The following MDN1 variants were observed in gnomAD, a reference collection of about 807,000 sequenced individuals.
MDN1 encodes midasin.
In MDN1, 266 loss-of-function variants were observed where a neutral mutation model predicts 669.2. The observed-to-expected ratio is 0.40, with a 90% CI of 0.36 to 0.44. The LOEUF is 0.44. Ranked by LOEUF, MDN1 falls within the 20% of genes least tolerant of loss-of-function variation. The pLI, the probability that MDN1 is intolerant of heterozygous loss-of-function variation, is 1.00. For missense variants in MDN1, 5,940 were observed against 6,754.0 expected (o/e 0.88, Z 4.22); for synonymous variants, 2,385 against 2,457.1 (o/e 0.97, Z 0.87).
At chr6:89,674,648 C>T (rs1811061704) in intron 78 of MDN1, 59 bp from the exon 79 acceptor site, 2 of 1,489,070 alleles carry the variant, frequency 1.3e-6, no homozygotes, top group Non-Finnish European at 8.9e-7. Context: ...CACTTTACCA[C>T]ATTGTTTTAA....
chr6:89,692,014 G>A (rs1056474495), intron 63 of MDN1, among the ~76,000 whole-genome samples: 8 of 152,160 alleles, frequency 5.3e-5, no homozygotes, highest in Non-Finnish European at 1.0e-4. Context: ...CCTGGAATGG[G>A]ATACCTGGTA....
intron 78 of MDN1, among the ~76,000 whole-genome samples, chr6:89,674,835 T>C (rs1418660750): frequency 3.3e-5 from 5 of 152,154 alleles, no homozygotes; most frequent in Non-Finnish European, 5.9e-5. Context: ...CAACTAGCAT[T>C]ATCTAGTAAA....
rs1245755149 is a variant in MDN1 at position 89,698,303 on chromosome 6, G to C, written c.9168+562C>G. On this transcript the variant is annotated intron_variant, in intron 59 of 101. Coordinates refer to ENST00000369393, the MANE Select transcript of MDN1 (RefSeq NM_014611.3). Reference sequence around the variant, plus strand: ...AATGCTCCAACAAGTGGACAAAGATGTATACTAGGATAGTCAATGTGGCAT... The same window carrying C: ...AATGCTCCAACAAGTGGACAAAGATCTATACTAGGATAGTCAATGTGGCAT... Among the ~76,000 whole-genome samples the C allele has an allele frequency of 2.6e-5, 4 of 152,210 alleles. No individual in the cohort carries two copies. In the South Asian group the frequency reaches 8.3e-4, roughly 32 times the overall value.
At chr6:89,700,583 A>T (rs1584222952) in intron 56 of MDN1, 63 bp downstream of exon 56, 2 of 1,524,330 alleles carry the variant, frequency 1.3e-6, no homozygotes, top group East Asian at 4.5e-5. Flanking sequence ...AAAACTTATT[A>T]ACTACCAGCA....
chr6:89,786,860 G>A (rs778375877), intron 8 of MDN1, among the ~76,000 whole-genome samples: 1 of 150,450 alleles, frequency 6.6e-6, no homozygotes, highest in Non-Finnish European at 1.5e-5. Context: ...AGGAGGTGGA[G>A]GTTGCAGTGA....
rs375419888 is a variant in MDN1, at chr6:89,646,556, C to A, written c.16443G>T (p.Ser5481=). The A allele has an allele frequency of 4.3e-6, 7 of 1,614,006 alleles. No individual in the cohort carries two copies. The highest frequency in any genetic ancestry group is 5.1e-6 in the Non-Finnish European group (6 of 1,179,918). The change falls in exon 100 of 102, where the codon TCG becomes TCT. Residue 5481 remains serine (S), a synonymous_variant. Coordinates refer to ENST00000369393, the MANE Select transcript of MDN1 (RefSeq NM_014611.3). ...ANMFAAAQQL[S]QNISSETAQL... ...GCAGCTCACCTGAACTGATGTTCTGCGAGAGCTGCTGAGCAGCTGCAAACA... is the reference window on the plus strand; with the variant it reads ...GCAGCTCACCTGAACTGATGTTCTGAGAGAGCTGCTGAGCAGCTGCAAACA...
intron 38 of MDN1, 26 bp downstream of exon 38, chr6:89,725,173 G>A (rs1241155496): frequency 4.4e-6 from 7 of 1,608,216 alleles, no homozygotes; most frequent in African/African-American, 1.3e-5. Flanking sequence ...TCTATCTTTG[G>A]TCTCTATGGC....
At chr6:89,744,131 A>AC (rs1816458894) in intron 29 of MDN1, among the ~76,000 whole-genome samples, 2 of 150,808 alleles carry the variant, frequency 1.3e-5, no homozygotes, top group Non-Finnish European at 1.5e-5. Flanking sequence ...AAAAAAAAAA[A>AC]CCACCACCAA....
intron 40 of MDN1, 138 bp from the exon 41 acceptor site, chr6:89,719,363 T>C (rs1170646574): frequency 1.5e-6 from 1 of 685,078 alleles, no homozygotes; most frequent in African/African-American, 1.8e-5. Context: ...TTTTGAATTT[T>C]CTCTTATAAA....
At chr6:89,778,843 G>A (rs1584357399) in intron 11 of MDN1, among the ~76,000 whole-genome samples, 2 of 150,892 alleles carry the variant, frequency 1.3e-5, no homozygotes, top group African/African-American at 2.4e-5. Flanking sequence ...CCGAGATCAC[G>A]CCACTGCACT....
In MDN1 at chr6:89,662,207, G is replaced by T. The variant is rs955398088; in HGVS notation, c.14445C>A (p.Asn4815Lys). 2 of 1,612,686 alleles carry T rather than the reference G, an allele frequency of 1.2e-6. No homozygotes were observed. Among genetic ancestry groups the T allele is most frequent in the Admixed American group, 1.7e-5 (1 of 59,672 alleles). The change falls in exon 87 of 102, where the codon AAC becomes AAA. Residue 4815 changes from asparagine to lysine, a missense_variant. Asn to Lys is a moderately conservative substitution (Grantham distance 94, BLOSUM62 0). Transcript: ENST00000369393. ...CTTTGTTTGAATTGCCACTATCCAA[G>T]TTGTCATCTTTAGCAACAAGTTCAG... Reference protein sequence around the residue: ...EDSELVAKDDNLDSGNSNKDK... With the variant: ...EDSELVAKDDKLDSGNSNKDK...
chr6:89,736,057 A>G (rs139543548), intron 33 of MDN1, among the ~76,000 whole-genome samples: 121 of 152,296 alleles, frequency 7.9e-4, no homozygotes, highest in African/African-American at 2.7e-3. Flanking sequence ...AAAAACAAAA[A>G]GCTTTGTCTA....
intron 33 of MDN1, among the ~76,000 whole-genome samples, chr6:89,737,110 G>C (rs1357523802): frequency 6.6e-6 from 1 of 152,134 alleles, no homozygotes; most frequent in Admixed American, 6.5e-5. Context: ...AGAGACTGTA[G>C]AGAAAAAAGG....
chr6:89,684,861 A>G lies in MDN1; in HGVS notation c.11829+15T>C. ...TTGTCCTCCCAAGAGTGATCATGAC[A>G]GCTGTTCATCTTACTTTAAGTTCTT... On this transcript the variant is annotated intron_variant, in intron 71 of 101. Coordinates refer to ENST00000369393, the MANE Select transcript of MDN1 (RefSeq NM_014611.3). The G allele has an allele frequency of 1.3e-6, 2 of 1,503,532 alleles. No individual in the cohort carries two copies. Among genetic ancestry groups the G allele is most frequent in the Non-Finnish European group, 1.9e-6 (2 of 1,080,558 alleles). 93.1% of individuals were successfully genotyped at this position (1,503,532 alleles called of 1,614,324 possible).
At position 89,740,372 on chromosome 6, in the gene MDN1, A is replaced by G; in HGVS notation, c.4455T>C (p.Leu1485=). 1 of 1,575,984 alleles carries G rather than the reference A, an allele frequency of 6.3e-7. No individual in the cohort carries two copies. The highest frequency in any genetic ancestry group is 8.6e-7 in the Non-Finnish European group (1 of 1,169,362). ...CTAATACCAGAGACTTTTCTACTTC[A>G]AGGACACTAAAAGAAAAATTGAAGA... ...DSVLERLNSV[L]EVEKSLVLAE... Residue 1485 remains leucine (L), a synonymous_variant, in exon 32 of 102, where the codon CTT becomes CTC. Transcript: ENST00000369393.
At chr6:89,759,694 G>A (rs1434823042) in intron 17 of MDN1, among the ~76,000 whole-genome samples, 1 of 151,656 alleles carries the variant, frequency 6.6e-6, no homozygotes, top group African/African-American at 2.4e-5. Flanking sequence ...AACCTGGGAG[G>A]CGGAGGTTGC....
chr6:89,689,878 G>A lies in MDN1; in HGVS notation c.11015C>T (p.Pro3672Leu), dbSNP rs1214194850. The change falls in exon 65 of 102, where the codon CCC (proline) becomes CTC (leucine). Residue 3672 changes from proline (P) to leucine (L), a missense_variant. Physicochemically the swap from Pro to Leu is moderately conservative, Grantham distance 98 (BLOSUM62 -3). This residue lies in a region of MDN1 where 2,280 missense variants were observed against 2,576.3 expected (regional missense o/e 0.88). Coordinates refer to ENST00000369393, the MANE Select transcript of MDN1 (RefSeq NM_014611.3). The part of the protein sequence containing the change: ...TGASLVTHFY[P>L]LMGVELNDRL... ...AAAGTAAACTACCATACCCATCAGG[G>A]GGTAGAAGTGTGTCACAAGCGATGC... The A allele has an allele frequency of 1.2e-5, 19 of 1,613,954 alleles. No individual in the cohort carries two copies. The highest frequency in any genetic ancestry group is 2.7e-5 in the African/African-American group (2 of 75,058).
intron 43 of MDN1, among the ~76,000 whole-genome samples, chr6:89,718,136 AATAAACC>A (rs2128313056): frequency 6.6e-6 from 1 of 152,358 alleles, no homozygotes; most frequent in East Asian, 1.9e-4. Flanking sequence ...TTACACACAA[AATAAACC>A]ATAAAGCAAC....
intron 1 of MDN1, chr6:89,815,367 G>T: frequency 2.2e-6 from 1 of 448,754 alleles, no homozygotes; most frequent in South Asian, 1.7e-5. Flanking sequence ...GTGGTGAAAT[G>T]ACACTCTCAT....
Sources: allele counts gnomAD v4.1 joint callset (sites outside exome capture counted in the v4.1 genomes callset), GRCh38; gene constraint gnomAD v4.1.1; regional missense constraint gnomAD v4.1.1; transcripts MANE v1.5; gene names NCBI Gene and HGNC (gene_info 2026-07-23, HGNC 2026-07-21).